The following NTRK3 variants were observed in gnomAD, a reference collection of about 807,000 sequenced individuals.
The protein encoded by NTRK3 is NT-3 growth factor receptor.
Under a neutral mutation model 91.7 loss-of-function variants are expected in NTRK3, and 24 were observed. The ratio of observed to expected loss-of-function variants is 0.26; its 90% CI spans 0.19 to 0.37. The LOEUF (loss-of-function observed/expected upper bound fraction) is 0.37, where lower values mean the gene tolerates loss of function less well. Ranked by LOEUF, NTRK3 falls within the 10% of genes least tolerant of loss-of-function variation. NTRK3 has a pLI of 1.00. For missense variants in NTRK3, 880 were observed against 1,068.9 expected (o/e 0.82, Z 2.46); for synonymous variants, 483 against 404.0 (o/e 1.20, Z -2.34).
chr15:87,935,481 G>A (rs1455930306), intron 15 of NTRK3, among the ~76,000 whole-genome samples: 2 of 152,206 alleles, frequency 1.3e-5, no homozygotes, highest in African/African-American at 2.4e-5. Context: ...TCTCTTCTGG[G>A]GACCCAGCTC....
At chr15:88,037,288 G>T (rs376929303) in intron 13 of NTRK3, among the ~76,000 whole-genome samples, 3 of 152,198 alleles carry the variant, frequency 2.0e-5, no homozygotes, top group Admixed American at 6.5e-5. Flanking sequence ...GAGGCCAGGC[G>T]CAGTGGTTTA....
Position 88,216,171 on chromosome 15 carries a change from C to T in NTRK3, c.249-31872G>A, listed in dbSNP as rs577698068. Among the ~76,000 whole-genome samples the T allele has an allele frequency of 5.3e-5, 8 of 152,176 alleles. No homozygotes were observed. The South Asian group carries it at 6.2e-4, about 12-fold the overall frequency. On this transcript the variant is annotated intron_variant, in intron 3 of 18. Transcript: ENST00000394480. ...GCCAGGATTAAATAAGGGGTGAGAG[C>T]GAGTTGTTATGTTGTAGCTCACTGG...
At chr15:88,145,255 C>T (rs1333585338) in intron 6 of NTRK3, among the ~76,000 whole-genome samples, 1 of 152,138 alleles carries the variant, frequency 6.6e-6, no homozygotes, top group African/African-American at 2.4e-5. Flanking sequence ...AACACGCGGC[C>T]CCTCCAGCCA....
chr15:87,886,737 A>AAC (rs368496451), intron 17 of NTRK3, among the ~76,000 whole-genome samples: 45 of 131,760 alleles, frequency 3.4e-4, no homozygotes, highest in African/African-American at 8.4e-4. Context: ...CACACACATA[A>AAC]ACACACACAC....
At chr15:87,994,624 A>T (rs1398634701) in intron 14 of NTRK3, among the ~76,000 whole-genome samples, 2 of 152,192 alleles carry the variant, frequency 1.3e-5, no homozygotes, top group African/African-American at 4.8e-5. Flanking sequence ...CTGTTGTTCT[A>T]GGCCATCCAG....
At chr15:88,184,407 A>C (rs1431027091) in intron 3 of NTRK3, 108 bp from the exon 4 acceptor site, 2 of 1,076,956 alleles carry the variant, frequency 1.9e-6, no homozygotes, top group Non-Finnish European at 2.8e-6. Context: ...ATTGATTGCC[A>C]GGCCTTTTGC....
intron 3 of NTRK3, among the ~76,000 whole-genome samples, chr15:88,246,255 A>G (rs1294271122): frequency 5.3e-5 from 8 of 152,278 alleles, no homozygotes; most frequent in Admixed American, 3.3e-4. Context: ...CAGCCAGTCC[A>G]GGCAGGGCCC....
chr15:87,929,411 A>T (rs1293331164), exon 17 of NTRK3: 3 of 1,613,980 alleles, frequency 1.9e-6, no homozygotes, highest in African/African-American at 2.7e-5. Context: ...ATCCACAAGG[A>T]TCATTGCATC....
At chr15:88,174,871 G>A (rs146230815) in intron 5 of NTRK3, among the ~76,000 whole-genome samples, 29 of 152,322 alleles carry the variant, frequency 1.9e-4, no homozygotes, top group African/African-American at 5.8e-4. Flanking sequence ...AATGTCAGCC[G>A]TTTCTGCAAT....
chr15:88,251,145 T>C (rs2053305279), intron 3 of NTRK3, among the ~76,000 whole-genome samples: 1 of 152,164 alleles, frequency 6.6e-6, no homozygotes, highest in African/African-American at 2.4e-5. Flanking sequence ...ACAAATGGTG[T>C]CAAATTCTGG....
In NTRK3 at chr15:88,051,295, C is replaced by T. The variant is rs960450704; in HGVS notation, c.1397-18250G>A. Among the ~76,000 whole-genome samples, 16 of 152,330 alleles carry T rather than the reference C, an allele frequency of 1.1e-4. No individual in the cohort carries two copies. In the East Asian group the frequency reaches 2.9e-3, roughly 28 times the overall value. On this transcript the variant is annotated intron_variant, in intron 13 of 18. Transcript: ENST00000394480. ...AAGCATTTCTTGAACCTAACTCTCC[C>T]TCCTCTTTCTCCCCACTCCACCCAC...
At chr15:88,219,831 C>T (rs1488876317) in intron 3 of NTRK3, among the ~76,000 whole-genome samples, 1 of 152,184 alleles carries the variant, frequency 6.6e-6, no homozygotes, top group African/African-American at 2.4e-5. Flanking sequence ...CTCTCTGCAC[C>T]CCTCTGAGAT....
intron 17 of NTRK3, among the ~76,000 whole-genome samples, chr15:87,899,002 A>C (rs1387046099): frequency 6.6e-6 from 1 of 152,014 alleles, no homozygotes; most frequent in African/African-American, 2.4e-5. Flanking sequence ...AATACTACTA[A>C]CACCATAACA....
chr15:88,039,703 C>T (rs2079418690), intron 13 of NTRK3, among the ~76,000 whole-genome samples: 1 of 152,234 alleles, frequency 6.6e-6, no homozygotes, highest in Non-Finnish European at 1.5e-5. Flanking sequence ...ATTTCCTCAG[C>T]AAGGCCGTTT....
chr15:88,204,290 C>G (rs561226177), intron 3 of NTRK3, among the ~76,000 whole-genome samples: 1 of 152,166 alleles, frequency 6.6e-6, no homozygotes, highest in Non-Finnish European at 1.5e-5. Flanking sequence ...GGATTTCTCT[C>G]CTTCTGGCAT....
intron 3 of NTRK3, among the ~76,000 whole-genome samples, chr15:88,197,588 TTC>T (rs1345272662): frequency 6.6e-6 from 1 of 152,208 alleles, no homozygotes; most frequent in Non-Finnish European, 1.5e-5. Flanking sequence ...AAGCAACTTT[TTC>T]TCTGTTTCCC....
intron 5 of NTRK3, among the ~76,000 whole-genome samples, chr15:88,181,790 G>A (rs187568644): frequency 6.6e-6 from 1 of 152,310 alleles, no homozygotes; most frequent in East Asian, 1.9e-4. Context: ...ACCTCCACGT[G>A]GCATCACTCA....
At chr15:88,092,590 C>A (rs899068264) in intron 13 of NTRK3, among the ~76,000 whole-genome samples, 1 of 152,214 alleles carries the variant, frequency 6.6e-6, no homozygotes, top group African/African-American at 2.4e-5. Flanking sequence ...GCTGCTGTAA[C>A]AAATTCCCAC....
Position 88,237,458 on chromosome 15 carries a change from A to G in NTRK3, c.248+18448T>C, listed in dbSNP as rs1289288133. On this transcript the variant is annotated intron_variant, in intron 3 of 18. Transcript: ENST00000394480. The surrounding 1 kb of genome is among the most constrained non-coding windows in gnomAD (Gnocchi z 4.0). Reference sequence around the variant, plus strand: ...GTGTGGGGGTGGAGGGATGCCTAACATGGTTACTGACACAAGTGTGGTGCT... The same window carrying G: ...GTGTGGGGGTGGAGGGATGCCTAACGTGGTTACTGACACAAGTGTGGTGCT... Among the ~76,000 whole-genome samples the G allele has an allele frequency of 2.6e-5, 4 of 152,228 alleles. No homozygotes were observed. Among genetic ancestry groups the G allele is most frequent in the Non-Finnish European group, 5.9e-5 (4 of 68,036 alleles).
Sources: allele counts gnomAD v4.1 joint callset (sites outside exome capture counted in the v4.1 genomes callset), GRCh38; gene constraint gnomAD v4.1.1; non-coding constraint Gnocchi (gnomAD v3.1); transcripts MANE v1.5; gene names NCBI Gene and HGNC (gene_info 2026-07-23, HGNC 2026-07-21).